The following PPP2R2B variants were observed in gnomAD, a reference collection of about 807,000 sequenced individuals.
The protein encoded by PPP2R2B is protein phosphatase 2 regulatory subunit Bbeta.
Under a neutral mutation model 46.0 loss-of-function variants are expected in PPP2R2B, and 5 were observed. The observed-to-expected ratio is 0.11, with a 90% CI of 0.06 to 0.23. The LOEUF (loss-of-function observed/expected upper bound fraction) is 0.23. PPP2R2B is among the 10% of genes least tolerant of loss of function. PPP2R2B has a pLI of 1.00. For missense variants in PPP2R2B, 367 were observed against 575.0 expected (o/e 0.64, Z 3.70); for synonymous variants, 215 against 206.7 (o/e 1.04, Z -0.34).
intron 2 of PPP2R2B, among the ~76,000 whole-genome samples, chr5:146,781,682 A>G (rs540506018): frequency 1.0e-3 from 157 of 152,228 alleles, no homozygotes; most frequent in Non-Finnish European, 2.1e-3. Flanking sequence ...AAAAAAATGA[A>G]TTTTCCTGTA....
At chr5:147,078,399 T>A (rs1345933657) in intron 2 of PPP2R2B, among the ~76,000 whole-genome samples, 1 of 151,928 alleles carries the variant, frequency 6.6e-6, no homozygotes, top group East Asian at 1.9e-4. Flanking sequence ...AAGTGCAGAG[T>A]AAGAGAATAA....
At chr5:146,958,000 G>T (rs1380134803) in intron 1 of PPP2R2B, among the ~76,000 whole-genome samples, 1 of 152,120 alleles carries the variant, frequency 6.6e-6, no homozygotes, top group Non-Finnish European at 1.5e-5. Flanking sequence ...TGACAGAAAA[G>T]GGTCGAATAA....
intron 1 of PPP2R2B, among the ~76,000 whole-genome samples, chr5:146,944,869 G>T (rs185245298): frequency 6.6e-6 from 1 of 152,070 alleles, no homozygotes; most frequent in Non-Finnish European, 1.5e-5. Flanking sequence ...TCTCTCAGAG[G>T]AGTCTAATAG....
intron 5 of PPP2R2B, among the ~76,000 whole-genome samples, chr5:146,683,704 A>G (rs1778315980): frequency 1.3e-5 from 2 of 152,182 alleles, no homozygotes; most frequent in South Asian, 2.1e-4. Context: ...CTCATCCCCC[A>G]AAGGCGAAAC....
At chr5:146,850,655 C>A (rs1175873145) in intron 2 of PPP2R2B, among the ~76,000 whole-genome samples, 1 of 152,158 alleles carries the variant, frequency 6.6e-6, no homozygotes, top group African/African-American at 2.4e-5. Context: ...TATTCTTTCA[C>A]CAGGGAAGCC....
chr5:146,929,991 G>A (rs1451394360), intron 1 of PPP2R2B, among the ~76,000 whole-genome samples: 3 of 152,072 alleles, frequency 2.0e-5, no homozygotes, highest in Non-Finnish European at 4.4e-5. Context: ...TTGATTCTGG[G>A]GATACAGATT....
chr5:146,694,511 A>T (rs531729758), intron 4 of PPP2R2B, among the ~76,000 whole-genome samples: 1 of 152,280 alleles, frequency 6.6e-6, no homozygotes, highest in East Asian at 1.9e-4. Flanking sequence ...TATACAGAGA[A>T]ACAGAGAAAT....
At chr5:146,995,867 T>A (rs891864204) in intron 1 of PPP2R2B, among the ~76,000 whole-genome samples, 2 of 152,200 alleles carry the variant, frequency 1.3e-5, no homozygotes, top group Non-Finnish European at 2.9e-5. Context: ...AATAATTTAT[T>A]ACTGTTGGGT....
At chr5:146,762,209 G>GT (rs1754210133) in intron 2 of PPP2R2B, among the ~76,000 whole-genome samples, 1 of 152,196 alleles carries the variant, frequency 6.6e-6, no homozygotes, top group South Asian at 2.1e-4. Flanking sequence ...CAAAAGAACA[G>GT]TTTACTGCAG....
intron 1 of PPP2R2B, among the ~76,000 whole-genome samples, chr5:146,926,928 T>A (rs1411265861): frequency 6.6e-6 from 1 of 152,138 alleles, no homozygotes; most frequent in Non-Finnish European, 1.5e-5. Context: ...CTCACTCCCA[T>A]CCAAGATGAT....
At chr5:146,862,138 C>T (rs1761043287) in intron 2 of PPP2R2B, among the ~76,000 whole-genome samples, 1 of 152,294 alleles carries the variant, frequency 6.6e-6, no homozygotes, top group South Asian at 2.1e-4. Flanking sequence ...ATCTCCCCTG[C>T]ATCTTTAAAC....
intron 7 of PPP2R2B, among the ~76,000 whole-genome samples, chr5:146,604,118 G>A (rs1486052950): frequency 6.6e-6 from 1 of 152,226 alleles, no homozygotes; most frequent in African/African-American, 2.4e-5. Context: ...GAGCTCACAG[G>A]ATAGAGGAGG....
chr5:146,707,671 T>C lies in PPP2R2B; in HGVS notation c.71-6529A>G. On this transcript the variant is annotated intron_variant, in intron 2 of 9. Transcript: ENST00000394411. ...CAGAAGGAGTGGAGAAGCTGCTTCT[T>C]GGTAGAATATATCTTTTCTAACAGG... 5 of 558,722 alleles carry C rather than the reference T, an allele frequency of 8.9e-6. No homozygotes were observed. The South Asian group carries it at 9.3e-5, about 10-fold the overall frequency. The allele number at this position is 558,722 out of a possible 1,614,324, so 34.6% of individuals were successfully genotyped here.
At chr5:146,700,837 A>T (rs1244154415) in intron 3 of PPP2R2B, among the ~76,000 whole-genome samples, 2 of 152,184 alleles carry the variant, frequency 1.3e-5, no homozygotes, top group Admixed American at 1.3e-4. Flanking sequence ...CAGGCGTAGA[A>T]AGATAAGGCC....
intron 5 of PPP2R2B, among the ~76,000 whole-genome samples, chr5:146,664,542 A>G (rs1462736683): frequency 6.6e-6 from 1 of 150,800 alleles, no homozygotes; most frequent in Non-Finnish European, 1.5e-5. Flanking sequence ...TATTTCCACC[A>G]CAACTGCAGT....
At chr5:146,950,608 A>C (rs1764623226) in intron 1 of PPP2R2B, among the ~76,000 whole-genome samples, 1 of 151,994 alleles carries the variant, frequency 6.6e-6, no homozygotes, top group Non-Finnish European at 1.5e-5. Flanking sequence ...AATGCTTTTA[A>C]AAGGTAGTGA....
chr5:146,983,583 C>G (rs2151856796), intron 1 of PPP2R2B, among the ~76,000 whole-genome samples: 1 of 152,230 alleles, frequency 6.6e-6, no homozygotes, highest in East Asian at 1.9e-4. Context: ...TTTCCCAGTT[C>G]TAGTAAACTA....
chr5:147,035,584 A>G (rs1329885388), intron 1 of PPP2R2B, among the ~76,000 whole-genome samples: 1 of 152,224 alleles, frequency 6.6e-6, no homozygotes, highest in Non-Finnish European at 1.5e-5. Context: ...TGACCATTTA[A>G]TCTTGGGGCT....
intron 1 of PPP2R2B, among the ~76,000 whole-genome samples, chr5:146,972,470 G>C (rs1229042006): frequency 6.6e-6 from 1 of 152,110 alleles, no homozygotes; most frequent in African/African-American, 2.4e-5. Flanking sequence ...TCAGCACTTT[G>C]GGAGGCTGAG....
Sources: allele counts gnomAD v4.1 joint callset (sites outside exome capture counted in the v4.1 genomes callset), GRCh38; gene constraint gnomAD v4.1.1; transcripts MANE v1.5; gene names NCBI Gene and HGNC (gene_info 2026-07-23, HGNC 2026-07-21).